Variants in VAV1 observed in about 807,000 individuals in gnomAD.
The protein encoded by VAV1 is proto-oncogene vav.
Under a neutral mutation model 128.1 loss-of-function variants are expected in VAV1, and 33 were observed. The observed-to-expected ratio is 0.26, with a 90% confidence interval of 0.20 to 0.34. VAV1 has a LOEUF of 0.34. Ranked by LOEUF, VAV1 falls within the 10% of genes least tolerant of loss-of-function variation. The pLI, the probability that VAV1 is intolerant of heterozygous loss-of-function variation, is 1.00. For missense variants in VAV1, 715 were observed against 1,093.7 expected, an observed-to-expected ratio of 0.65 and a Z score of 4.88; for synonymous variants, 394 against 409.8, an observed-to-expected ratio of 0.96 and a Z score of 0.47.
intron 1 of VAV1, among the ~76,000 whole-genome samples, chr19:6,778,612 G>A (rs1280438120): frequency 2.6e-5 from 4 of 152,192 alleles, no homozygotes; most frequent in South Asian, 2.1e-4. Flanking sequence ...GCTCACGCCT[G>A]TGGTCCCAGC....
intron 2 of VAV1, 103 bp from the exon 3 acceptor site, chr19:6,821,519 A>G (rs1426334494): frequency 5.1e-6 from 7 of 1,371,364 alleles, no homozygotes; most frequent in Non-Finnish European, 7.3e-6. Context: ...GGCTTCCAAG[A>G]GGCATGGGAT....
chr19:6,848,612 A>T (rs1345548327), intron 23 of VAV1, among the ~76,000 whole-genome samples: 1 of 151,934 alleles, frequency 6.6e-6, no homozygotes, highest in Non-Finnish European at 1.5e-5. Flanking sequence ...CATGTTGGCC[A>T]GCCTGGTCTC....
At chr19:6,808,587 T>C (rs1036552340) in intron 1 of VAV1, among the ~76,000 whole-genome samples, 1 of 152,236 alleles carries the variant, frequency 6.6e-6, no homozygotes, top group Non-Finnish European at 1.5e-5. Context: ...GTGAATTTCC[T>C]TTGTCCTCAG....
Position 6,833,549 on chromosome 19 carries a change from C to T in VAV1, c.1632C>T (p.Tyr544=), listed in dbSNP as rs1972142412. The change falls in exon 17 of 27, where the codon TAC becomes TAT. Residue 544 remains tyrosine, a synonymous_variant. Transcript: ENST00000602142. ...MLLRGTFYQG[Y]RCHRCRASAH... ...TCAGAGGTACCTTCTATCAGGGCTA[C>T]CGCTGCCATCGGTGCCGGGCATCTG... 6.2e-7 allele frequency: 1 copy of T among 1,610,118 alleles called. No homozygotes were observed. The highest frequency in any genetic ancestry group is 1.3e-5 in the African/African-American group (1 of 74,876).
intron 22 of VAV1, among the ~76,000 whole-genome samples, chr19:6,844,610 G>A (rs1972470760): frequency 6.6e-6 from 1 of 152,166 alleles, no homozygotes; most frequent in South Asian, 2.1e-4. Flanking sequence ...CCTCTTTTCA[G>A]AAGAGGAAAT....
intron 1 of VAV1, 80 bp downstream of exon 1, chr19:6,773,091 C>G: frequency 1.3e-6 from 2 of 1,546,330 alleles, no homozygotes; most frequent in South Asian, 2.3e-5. Flanking sequence ...GGCTGACGTG[C>G]TGCTCCACCT....
chr19:6,824,917 C>A, intron 6 of VAV1, 136 bp from the exon 7 acceptor site: 1 of 934,346 alleles, frequency 1.1e-6, no homozygotes, highest in Non-Finnish European at 1.7e-6. Context: ...TCACTGTGAA[C>A]ATTCTTGTAC....
At chr19:6,825,275 C>T (rs1410753910) in intron 7 of VAV1, 28 bp from the exon 8 acceptor site, 2 of 1,600,990 alleles carry the variant, frequency 1.2e-6, no homozygotes. Context: ...GGGCTCTGGT[C>T]CCAGCCCTCA....
chr19:6,790,132 C>T (rs1230201041), intron 1 of VAV1, among the ~76,000 whole-genome samples: 2 of 152,078 alleles, frequency 1.3e-5, no homozygotes, highest in East Asian at 1.9e-4. Context: ...GAGCTGAGAT[C>T]GTGCAAGTGC....
At chr19:6,790,664 G>A (rs955546594) in intron 1 of VAV1, among the ~76,000 whole-genome samples, 3 of 152,238 alleles carry the variant, frequency 2.0e-5, no homozygotes, top group Non-Finnish European at 4.4e-5. Flanking sequence ...ACCATGCAGA[G>A]CAGCAGCAGA....
At chr19:6,833,473 T>A (rs1961622642) in intron 16 of VAV1, 55 bp from the exon 17 acceptor site, 2 of 1,510,974 alleles carry the variant, frequency 1.3e-6, no homozygotes, top group Non-Finnish European at 1.8e-6. Context: ...AGCAGAATAT[T>A]TGGCCCTGTC....
chr19:6,804,775 G>C (rs1404108373), intron 1 of VAV1, among the ~76,000 whole-genome samples: 4 of 148,208 alleles, frequency 2.7e-5, no homozygotes, highest in Admixed American at 2.0e-4. Context: ...ACAGGCTGGA[G>C]TGCAGTGGCG....
At chr19:6,787,056 C>T (rs980858507) in intron 1 of VAV1, among the ~76,000 whole-genome samples, 7 of 147,566 alleles carry the variant, frequency 4.7e-5, no homozygotes, top group Non-Finnish European at 7.4e-5. Flanking sequence ...CTTGCTCTGT[C>T]ATCCAGGCTG....
At chr19:6,827,050 C>T (rs189721732) in intron 9 of VAV1, 1 of 296,512 alleles carries the variant, frequency 3.4e-6, no homozygotes, top group African/African-American at 2.1e-5. Flanking sequence ...AACCCCAATT[C>T]CAACCAACCC....
intron 21 of VAV1, among the ~76,000 whole-genome samples, chr19:6,838,111 C>T (rs993340371): frequency 1.3e-5 from 2 of 151,114 alleles, no homozygotes; most frequent in African/African-American, 4.9e-5. Flanking sequence ...ATCTATCTAT[C>T]TATCTATCTA....
In VAV1 at chr19:6,833,706, C is replaced by T. The variant is rs755460358; in HGVS notation, c.1709-5C>T. The T allele has an allele frequency of 8.7e-6, 14 of 1,614,124 alleles. No homozygotes were observed. The highest frequency in any genetic ancestry group is 3.3e-5 in the Admixed American group (2 of 59,990). On this transcript the variant is annotated splice_region_variant and splice_polypyrimidine_tract_variant and intron_variant, in intron 17 of 26. Transcript: ENST00000602142. ...GTTCTCACCATTTCCTTTACCCTCC[C>T]GTAGATTTCCCAGGAACTATGAAGA... is the stretch of plus-strand genomic sequence containing the variant.
chr19:6,830,279 G>T (rs192727637), intron 14 of VAV1, among the ~76,000 whole-genome samples: 19 of 150,118 alleles, frequency 1.3e-4, no homozygotes, highest in African/African-American at 4.6e-4. Flanking sequence ...GGATGGTCTC[G>T]ATCTCTTGAC....
chr19:6,844,997 T>C (rs189731463), intron 22 of VAV1, among the ~76,000 whole-genome samples: 1 of 152,248 alleles, frequency 6.6e-6, no homozygotes, highest in East Asian at 1.9e-4. Context: ...TTCAAAATGT[T>C]GATGTTTGTT....
At chr19:6,829,291 G>A (rs1386288078) in intron 13 of VAV1, among the ~76,000 whole-genome samples, 1 of 151,044 alleles carries the variant, frequency 6.6e-6, no homozygotes, top group South Asian at 2.1e-4. Flanking sequence ...GTAGGGATGG[G>A]GCCAGGTTTC....
Sources: gnomAD v4.1 joint callset for allele counts (sites outside exome capture counted in the v4.1 genomes callset) on GRCh38, gnomAD v4.1.1 for gene constraint, MANE v1.5 for transcripts, NCBI Gene and HGNC (gene_info 2026-07-23, HGNC 2026-07-21) for gene names.